RABGAP1L: variants seen among roughly 807,000 people sequenced by gnomAD.
The protein encoded by RABGAP1L is rab GTPase-activating protein 1-like.
A neutral mutation model predicts 137.7 loss-of-function variants in RABGAP1L; 63 were observed. The ratio of observed to expected loss-of-function variants is 0.46; its 90% CI spans 0.37 to 0.56. RABGAP1L has a LOEUF of 0.56. Ranked by LOEUF, RABGAP1L falls within the 20% of genes least tolerant of loss-of-function variation. The pLI is 0.00. For missense variants in RABGAP1L, 1,095 were observed against 1,244.0 expected (o/e 0.88, Z 1.80); for synonymous variants, 431 against 433.7 (o/e 0.99, Z 0.08).
chr1:174,669,277 G>A (rs1421181106), intron 14 of RABGAP1L, among the ~76,000 whole-genome samples: 1 of 152,030 alleles, frequency 6.6e-6, no homozygotes, highest in African/African-American at 2.4e-5. Flanking sequence ...AAAAGCATGG[G>A]GGAAACCGCT....
At chr1:174,418,999 C>T (rs1650937182) in intron 13 of RABGAP1L, among the ~76,000 whole-genome samples, 1 of 152,030 alleles carries the variant, frequency 6.6e-6, no homozygotes, top group Non-Finnish European at 1.5e-5. Context: ...GATTGTGCCA[C>T]TTCACTCCAG....
At chr1:174,242,582 T>G (rs1055766146) in intron 5 of RABGAP1L, among the ~76,000 whole-genome samples, 1 of 152,232 alleles carries the variant, frequency 6.6e-6, no homozygotes, top group Non-Finnish European at 1.5e-5. Context: ...AATGGAAATA[T>G]GGATTTCTGT....
In RABGAP1L at chr1:174,249,236, C is replaced by A. The variant is rs189455435; in HGVS notation, c.718-1239C>A. Among the ~76,000 whole-genome samples the A allele has an allele frequency of 5.8e-4, 88 of 152,258 alleles. 2 individuals are homozygous for A. In the East Asian group the frequency reaches 0.014, roughly 25 times the overall value. ...ACCATTTCAGCATTCATTCTGGGAA[C>A]CCAACACTTATAGCACAACAACATT... On this transcript the variant is annotated intron_variant, in intron 5 of 25. Transcript: ENST00000681986.
intron 13 of RABGAP1L, among the ~76,000 whole-genome samples, chr1:174,537,024 T>C (rs528006144): frequency 5.3e-5 from 8 of 152,166 alleles, no homozygotes; most frequent in Non-Finnish European, 1.0e-4. Context: ...CTGAAGTTAG[T>C]TATTTGACTT....
chr1:174,256,583 C>T lies in RABGAP1L; in HGVS notation c.986+3993C>T, dbSNP rs535084094. 3.9e-5 allele frequency among the ~76,000 whole-genome samples: 6 copies of T among 152,238 alleles called. No individual in the cohort carries two copies. In the South Asian group the frequency reaches 8.3e-4, roughly 21 times the overall value. On this transcript the variant is annotated intron_variant, in intron 7 of 25. Transcript: ENST00000681986. ...AGATCACGAGGTCAAGAGATCGAGA[C>T]CATCCTGACCAACATGGTGAAACCC...
chr1:174,319,584 C>T lies in RABGAP1L; in HGVS notation c.1465+14457C>T, dbSNP rs368998746. Among the ~76,000 whole-genome samples, 40 of 152,146 alleles carry T rather than the reference C, an allele frequency of 2.6e-4. 1 individual carries two copies. The South Asian group carries it at 8.1e-3, about 31-fold the overall frequency. ...TTACTAGGACTTTCTGTACAATGCT[C>T]AATAGGAATGGTGAGAAGGGACATT... is the stretch of plus-strand genomic sequence containing the variant. On this transcript the variant is annotated intron_variant, in intron 11 of 25. Transcript: ENST00000681986.
chr1:174,181,925 T>C (rs1290820488), intron 1 of RABGAP1L, among the ~76,000 whole-genome samples: 2 of 152,116 alleles, frequency 1.3e-5, no homozygotes, highest in African/African-American at 4.8e-5. Flanking sequence ...CTGTACTCCC[T>C]CCCTAATTTA....
chr1:174,307,085 C>A (rs979429084), intron 11 of RABGAP1L, among the ~76,000 whole-genome samples: 1 of 126,254 alleles, frequency 7.9e-6, no homozygotes, highest in Non-Finnish European at 1.9e-5. Flanking sequence ...TCTTACAATC[C>A]CATGAATACT....
At chr1:174,581,503 G>A (rs1323842595) in intron 13 of RABGAP1L, among the ~76,000 whole-genome samples, 3 of 152,142 alleles carry the variant, frequency 2.0e-5, no homozygotes, top group Non-Finnish European at 2.9e-5. Context: ...TTGAGATACT[G>A]AAAGTAGAGG....
At chr1:174,821,452 C>G (rs1389153646) in intron 19 of RABGAP1L, among the ~76,000 whole-genome samples, 1 of 152,110 alleles carries the variant, frequency 6.6e-6, no homozygotes, top group Non-Finnish European at 1.5e-5. Flanking sequence ...TTCTACTCTC[C>G]CAAAGTTGCA....
intron 10 of RABGAP1L, among the ~76,000 whole-genome samples, chr1:174,285,173 C>T (rs764778647): frequency 3.9e-4 from 60 of 152,046 alleles, no homozygotes; most frequent in Non-Finnish European, 6.6e-4. Context: ...CTTGCCACCA[C>T]GCCCGGCTAA....
chr1:174,238,177 T>G (rs4652265), intron 4 of RABGAP1L, among the ~76,000 whole-genome samples: 44,613 of 151,642 alleles, frequency 0.29, 6,969 homozygotes, highest in African/African-American at 0.37. Flanking sequence ...TTCTTCTAAA[T>G]TTTTTTCAAA....
intron 13 of RABGAP1L, among the ~76,000 whole-genome samples, chr1:174,510,913 A>T (rs1380849537): frequency 6.6e-6 from 1 of 152,212 alleles, no homozygotes; most frequent in Non-Finnish European, 1.5e-5. Context: ...CCACAATAAA[A>T]CTATCCCCAA....
chr1:174,231,948 G>A (rs1004978596), intron 4 of RABGAP1L, among the ~76,000 whole-genome samples: 10 of 152,192 alleles, frequency 6.6e-5, no homozygotes, highest in Admixed American at 3.3e-4. Flanking sequence ...AGACGGAGCC[G>A]CAGATCCAAA....
intron 13 of RABGAP1L, among the ~76,000 whole-genome samples, chr1:174,562,348 G>C (rs1274565971): frequency 1.3e-5 from 2 of 152,170 alleles, no homozygotes; most frequent in Non-Finnish European, 2.9e-5. Flanking sequence ...TAAAAGGTCA[G>C]GAAACAACAG....
chr1:174,288,440 T>A (rs893157223), intron 10 of RABGAP1L, among the ~76,000 whole-genome samples: 22 of 152,298 alleles, frequency 1.4e-4, no homozygotes, highest in African/African-American at 5.3e-4. Flanking sequence ...AAAGTCTTTC[T>A]CTCTTTCATT....
At chr1:174,313,580 G>T (rs1679068393) in intron 11 of RABGAP1L, among the ~76,000 whole-genome samples, 1 of 152,156 alleles carries the variant, frequency 6.6e-6, no homozygotes, top group African/African-American at 2.4e-5. Flanking sequence ...GGGCATCCTG[G>T]TTGTGTTCCA....
chr1:174,711,499 C>A (rs896422370), intron 17 of RABGAP1L, among the ~76,000 whole-genome samples: 20 of 152,130 alleles, frequency 1.3e-4, no homozygotes, highest in Non-Finnish European at 2.1e-4. Context: ...GAGCGGCTGG[C>A]CTGCGCTGCT....
At chr1:174,881,187 A>G (rs961306460) in intron 19 of RABGAP1L, among the ~76,000 whole-genome samples, 1 of 152,180 alleles carries the variant, frequency 6.6e-6, no homozygotes, top group Non-Finnish European at 1.5e-5. Context: ...TTGTGTGTAT[A>G]TTATGGCTCA....
Sources: allele counts gnomAD v4.1 joint callset (sites outside exome capture counted in the v4.1 genomes callset), GRCh38; gene constraint gnomAD v4.1.1; transcripts MANE v1.5; gene names NCBI Gene and HGNC (gene_info 2026-07-23, HGNC 2026-07-21).